Variants in KIRREL1 observed in about 807,000 individuals in gnomAD.
KIRREL1 encodes the protein kin of IRRE-like protein 1.
In KIRREL1, 25 loss-of-function variants were observed where a neutral mutation model predicts 83.3. The ratio of observed to expected loss-of-function variants is 0.30; its 90% CI spans 0.22 to 0.42. The LOEUF (loss-of-function observed/expected upper bound fraction) is 0.42, where lower values mean the gene tolerates loss of function less well. KIRREL1 is among the 10% of genes least tolerant of loss of function. KIRREL1 has a pLI of 1.00. For synonymous variants in KIRREL1, 388 were observed against 410.4 expected, an observed-to-expected ratio of 0.95 and a Z score of 0.66; for missense variants, 812 against 1,032.3, an observed-to-expected ratio of 0.79 and a Z score of 2.92.
chr1:158,057,552 G>A lies in KIRREL1; in HGVS notation c.53-18561G>A, dbSNP rs16839706. Among the ~76,000 whole-genome samples, 185 of 152,240 alleles carry A rather than the reference G, an allele frequency of 1.2e-3. 1 individual carries two copies. The highest frequency in any genetic ancestry group is 4.1e-3 in the African/African-American group (170 of 41,530). ...AGGCTTGGGAACTGTTTCTCCATTAGTCAGTTCATATCCATAGCCACTGCT... is the reference window on the plus strand; with the variant it reads ...AGGCTTGGGAACTGTTTCTCCATTAATCAGTTCATATCCATAGCCACTGCT... On this transcript the variant is annotated intron_variant, in intron 1 of 14. Transcript: ENST00000359209.
At chr1:158,061,378 T>C (rs1482278105) in intron 1 of KIRREL1, among the ~76,000 whole-genome samples, 1 of 152,098 alleles carries the variant, frequency 6.6e-6, no homozygotes. Flanking sequence ...GGCGGAGGGA[T>C]GAGAGATCCC....
At chr1:158,036,285 T>G (rs1557998030) in intron 1 of KIRREL1, among the ~76,000 whole-genome samples, 2 of 152,198 alleles carry the variant, frequency 1.3e-5, no homozygotes, top group African/African-American at 4.8e-5. Flanking sequence ...TGTAACTTAT[T>G]CAGATAAATA....
intron 8 of KIRREL1, among the ~76,000 whole-genome samples, chr1:158,088,957 T>C (rs901028146): frequency 6.8e-6 from 1 of 146,962 alleles, no homozygotes; most frequent in Non-Finnish European, 1.5e-5. Context: ...TCAGAAGCAC[T>C]GGGGGGACAA....
At chr1:158,029,366 T>TGTGTGTGC (rs1553238087) in intron 1 of KIRREL1, among the ~76,000 whole-genome samples, 139 of 149,028 alleles carry the variant, frequency 9.3e-4, no homozygotes, top group African/African-American at 1.7e-3. Context: ...TGTGTGTGTG[T>TGTGTGTGC]GCACGTGCGC....
chr1:158,013,313 G>A (rs929631604), intron 1 of KIRREL1, among the ~76,000 whole-genome samples: 21 of 152,258 alleles, frequency 1.4e-4, no homozygotes, highest in African/African-American at 5.1e-4. Context: ...AGGTGGCAAA[G>A]AGAGTCACCT....
At position 158,028,948 on chromosome 1, in the gene KIRREL1, C is replaced by A. The variant is rs148925774; in HGVS notation, c.52+35220C>A. ...ATTCCCCTACCTAGAGGGCTCATAT[C>A]CCTTTAAGTTGAAATAAATGACCTT... On this transcript the variant is annotated intron_variant, in intron 1 of 14. Transcript: ENST00000359209. 4.1e-3 allele frequency among the ~76,000 whole-genome samples: 628 copies of A among 152,278 alleles called. 7 individuals are homozygous for A. Among genetic ancestry groups the A allele is most frequent in the African/African-American group, 0.014 (589 of 41,548 alleles).
chr1:158,042,356 C>T (rs1660653586), intron 1 of KIRREL1, among the ~76,000 whole-genome samples: 1 of 152,088 alleles, frequency 6.6e-6, no homozygotes, highest in African/African-American at 2.4e-5. Context: ...TTTGTGCCCT[C>T]CTATTGCTTC....
At chr1:158,018,019 T>A (rs938744455) in intron 1 of KIRREL1, among the ~76,000 whole-genome samples, 10 of 152,156 alleles carry the variant, frequency 6.6e-5, no homozygotes, top group African/African-American at 2.4e-4. Context: ...ACTCTCAACC[T>A]CAAAAGGCAA....
intron 1 of KIRREL1, among the ~76,000 whole-genome samples, chr1:158,072,162 C>T (rs1001900912): frequency 6.6e-6 from 1 of 152,034 alleles, no homozygotes; most frequent in African/African-American, 2.4e-5. Context: ...TTCCACCCAG[C>T]ATTGTTCCTC....
intron 1 of KIRREL1, among the ~76,000 whole-genome samples, chr1:158,034,269 CAAAAAA>C (rs750353894): frequency 1.1e-4 from 12 of 113,696 alleles, no homozygotes; most frequent in African/African-American, 2.9e-4. Flanking sequence ...GACTCCGTCT[CAAAAAA>C]AAAAAAAAAA....
rs1662383375 is a variant in KIRREL1 at position 158,097,434 on chromosome 1, G to T, written c.*2314G>T. 1 of 248,676 alleles carries T rather than the reference G, an allele frequency of 4.0e-6. No individual in the cohort carries two copies. Among genetic ancestry groups the T allele is most frequent in the East Asian group, 1.1e-4 (1 of 8,760 alleles). The allele number at this position is 248,676 out of a possible 1,614,324, so 15.4% of individuals were successfully genotyped here. On this transcript the variant is annotated 3_prime_UTR_variant, in exon 15 of 15. Transcript: ENST00000359209. Reference sequence around the variant, plus strand: ...TGAAATGATGGAGAGAGGGCCTAAGGTTACTAGGTAATTGAGCTGATGGTG... The same window carrying T: ...TGAAATGATGGAGAGAGGGCCTAAGTTTACTAGGTAATTGAGCTGATGGTG...
chr1:158,040,120 G>A (rs1388752558), intron 1 of KIRREL1, among the ~76,000 whole-genome samples: 3 of 152,296 alleles, frequency 2.0e-5, no homozygotes, highest in East Asian at 3.9e-4. Context: ...ATGTCTAGGG[G>A]CATAACATAA....
chr1:158,005,123 G>A (rs1305188943), intron 1 of KIRREL1, among the ~76,000 whole-genome samples: 2 of 152,102 alleles, frequency 1.3e-5, no homozygotes, highest in Non-Finnish European at 2.9e-5. Flanking sequence ...CCAAGCTCTC[G>A]GGTGATGCTG....
intron 1 of KIRREL1, among the ~76,000 whole-genome samples, chr1:158,014,065 GGA>G (rs1321719754): frequency 1.3e-5 from 2 of 152,100 alleles, no homozygotes; most frequent in Non-Finnish European, 1.5e-5. Context: ...CAAAGATATG[GGA>G]GAGGGCTTAG....
At position 158,086,687 on chromosome 1, in the gene KIRREL1, G is replaced by C. The variant is rs1420597078; in HGVS notation, c.602G>C (p.Arg201Pro). The C allele has an allele frequency of 6.4e-7, 1 of 1,551,792 alleles. No homozygotes were observed. The highest frequency in any genetic ancestry group is 8.7e-7 in the Non-Finnish European group (1 of 1,147,044). ...GACATAGGGCGTGTCTTCACTTGCCGAAGCATGAACGAAGCCATCCCTAGT... is the reference window on the plus strand; with the variant it reads ...GACATAGGGCGTGTCTTCACTTGCCCAAGCATGAACGAAGCCATCCCTAGT... Reference protein sequence around the residue: ...DLDIGRVFTCRSMNEAIPSGK... With the variant: ...DLDIGRVFTCPSMNEAIPSGK... Residue 201 changes from arginine to proline, a missense_variant, in exon 5 of 15, where the codon CGA (arginine) becomes CCA (proline). By Grantham distance (103) the Arg-to-Pro change is moderately radical. Around this residue, in one of 3 missense-constraint regions of KIRREL1, gnomAD observed 472 missense variants for 626.8 expected, o/e 0.75. Transcript: ENST00000359209.
chr1:158,033,661 A>G (rs1045978458), intron 1 of KIRREL1, among the ~76,000 whole-genome samples: 4 of 152,102 alleles, frequency 2.6e-5, no homozygotes, highest in Admixed American at 2.6e-4. Flanking sequence ...ACTACATATC[A>G]TGGAGCTAAC....
chr1:158,055,243 G>C (rs564809876), intron 1 of KIRREL1, among the ~76,000 whole-genome samples: 2 of 152,012 alleles, frequency 1.3e-5, no homozygotes, highest in Admixed American at 1.3e-4. Context: ...AAGGGGAGGC[G>C]GCCTCCCCAG....
intron 1 of KIRREL1, among the ~76,000 whole-genome samples, chr1:158,053,270 G>A (rs574646826): frequency 6.6e-6 from 1 of 152,198 alleles, no homozygotes; most frequent in Non-Finnish European, 1.5e-5. Flanking sequence ...ACACACAGTA[G>A]GGTGCAGGTG....
Position 158,087,458 on chromosome 1 carries a change from C to T in KIRREL1, c.662-297C>T, listed in dbSNP as rs531574298. Among the ~76,000 whole-genome samples the T allele has an allele frequency of 3.9e-5, 6 of 152,074 alleles. No individual in the cohort carries two copies. The South Asian group carries it at 1.3e-3, about 32-fold the overall frequency. ...GGCAGCAACTGGGGATGCCCACACC[C>T]CATCCTTTTTAGTGAGCCAAGCAAG... On this transcript the variant is annotated intron_variant, in intron 5 of 14. Transcript: ENST00000359209.
Sources: gnomAD v4.1 joint callset for allele counts (sites outside exome capture counted in the v4.1 genomes callset) on GRCh38, gnomAD v4.1.1 for gene constraint, gnomAD v4.1.1 regional missense constraint, MANE v1.5 for transcripts, NCBI Gene and HGNC (gene_info 2026-07-23, HGNC 2026-07-21) for gene names.